The following DCAF4 variants were observed in gnomAD, a reference collection of about 807,000 sequenced individuals.
The protein encoded by DCAF4 is DDB1 and CUL4 associated factor 4.
In DCAF4, 37 loss-of-function variants were observed where a neutral mutation model predicts 60.9. The observed-to-expected ratio is 0.61, with a 90% CI of 0.47 to 0.80. DCAF4 has a LOEUF of 0.80. Ranked by LOEUF, DCAF4 falls within the 30% of genes least tolerant of loss-of-function variation. DCAF4 has a pLI of 0.00. For synonymous variants in DCAF4, 243 were observed against 254.8 expected (o/e 0.95, Z 0.44); for missense variants, 577 against 650.0 (o/e 0.89, Z 1.22).
At chr14:72,958,461 T>C in intron 13 of DCAF4, 151 bp from the exon 14 acceptor site, 2 of 900,356 alleles carry the variant, frequency 2.2e-6, no homozygotes, top group Non-Finnish European at 3.3e-6. Flanking sequence ...CGACTTGGGT[T>C]ATCCGTAGAA....
At position 72,959,131 on chromosome 14, in the gene DCAF4, G is replaced by A. The variant is rs1387547110; in HGVS notation, c.*326G>A. ...CTAAGGACTGAAGATTGGCAAAAAC[G>A]AAAAGCTTCTTCCTCCAAGAGCCCA... On this transcript the variant is annotated 3_prime_UTR_variant, in exon 14 of 14. Coordinates refer to ENST00000358377, the MANE Select transcript of DCAF4 (RefSeq NM_015604.4). 6 of 1,028,640 alleles carry A rather than the reference G, an allele frequency of 5.8e-6. No homozygotes were observed. The highest frequency in any genetic ancestry group is 7.0e-6 in the Non-Finnish European group (6 of 857,862). 63.7% of individuals were successfully genotyped at this position (1,028,640 alleles called of 1,614,324 possible). A position where few individuals can be genotyped will look rare whatever the true frequency, so the allele number is the denominator to read the frequency against.
At position 72,929,764 on chromosome 14, in the gene DCAF4, G is replaced by A. The variant is rs566104421; in HGVS notation, c.-9+3221G>A. 6.7e-6 allele frequency: 7 copies of A among 1,042,690 alleles called. No individual in the cohort carries two copies. The East Asian group carries it at 9.5e-5, about 14-fold the overall frequency. 64.6% of individuals were successfully genotyped at this position (1,042,690 alleles called of 1,614,324 possible). On this transcript the variant is annotated intron_variant, in intron 1 of 13. Transcript: ENST00000358377. Reference sequence around the variant, plus strand: ...AAGACCTTCAGTGACTCCATGGCGCGCAGCTCGTACGAAGCGAAGCCACAC... The same window carrying A: ...AAGACCTTCAGTGACTCCATGGCGCACAGCTCGTACGAAGCGAAGCCACAC...
In DCAF4 at chr14:72,956,347, CT is replaced by C. The variant is rs1297375394; in HGVS notation, c.1180-38del. 44 of 1,527,198 alleles carry C rather than the reference CT, an allele frequency of 2.9e-5. 1 individual carries two copies. The highest frequency in any genetic ancestry group is 2.3e-4 in the African/African-American group (17 of 73,228). The allele number at this position is 1,527,198 out of a possible 1,614,324, so 94.6% of individuals were successfully genotyped here. The stretch of plus-strand genomic sequence containing the variant: ...CACTTGGGGACCACCATGGTACCCC[CT>C]GGCCCCTCCCTGATGGCCCCTGGTG... On this transcript the variant is annotated intron_variant, in intron 12 of 13. Coordinates refer to ENST00000358377, the MANE Select transcript of DCAF4 (RefSeq NM_015604.4).
chr14:72,945,474 TAA>T (rs34392033), intron 6 of DCAF4, among the ~76,000 whole-genome samples: 151 of 143,160 alleles, frequency 1.1e-3, no homozygotes, highest in East Asian at 1.0e-3. Context: ...TTCATGGTGG[TAA>T]AAAAAAAAAA....
chr14:72,951,926 G>C (rs774605075), intron 9 of DCAF4, 49 bp downstream of exon 9: 13 of 1,601,142 alleles, frequency 8.1e-6, no homozygotes, highest in Non-Finnish European at 1.0e-5. Flanking sequence ...TCTCCCGAGA[G>C]CTGTGTGGGG....
chr14:72,938,689 A>G (rs1402352459), intron 2 of DCAF4, among the ~76,000 whole-genome samples: 2 of 152,212 alleles, frequency 1.3e-5, no homozygotes, highest in Non-Finnish European at 2.9e-5. Context: ...GTCAGTACAC[A>G]GTGGTATTTG....
At chr14:72,934,842 T>C (rs1889048566) in intron 1 of DCAF4, among the ~76,000 whole-genome samples, 1 of 152,136 alleles carries the variant, frequency 6.6e-6, no homozygotes, top group South Asian at 2.1e-4. Context: ...GCTTTGTAAA[T>C]GTGTGTGGAG....
chr14:72,927,576 C>T (rs1249012342), intron 1 of DCAF4, among the ~76,000 whole-genome samples: 3 of 151,908 alleles, frequency 2.0e-5, no homozygotes, highest in African/African-American at 4.8e-5. Context: ...TGGTCTCGAT[C>T]TCCTGACCTC....
At chr14:72,928,699 AC>A (rs1302638143) in intron 1 of DCAF4, among the ~76,000 whole-genome samples, 8 of 151,972 alleles carry the variant, frequency 5.3e-5, no homozygotes, top group Admixed American at 3.3e-4. Context: ...AGATTGTGCA[AC>A]CATCACCACT....
At chr14:72,956,303 C>T (rs1335639246) in intron 12 of DCAF4, 83 bp from the exon 13 acceptor site, 2 of 1,066,804 alleles carry the variant, frequency 1.9e-6, no homozygotes, top group African/African-American at 3.2e-5. Flanking sequence ...CTGGAGACCA[C>T]CTTGCCTTCC....
intron 3 of DCAF4, 122 bp downstream of exon 3, chr14:72,940,024 C>A: frequency 8.3e-7 from 1 of 1,202,534 alleles, no homozygotes; most frequent in Non-Finnish European, 1.2e-6. Context: ...CTGGGTGCGT[C>A]AGGAATGGTG....
At chr14:72,942,234 G>A (rs1890130972) in intron 5 of DCAF4, 1 of 166,378 alleles carries the variant, frequency 6.0e-6, no homozygotes, top group South Asian at 1.9e-4. Context: ...TACTTATGAT[G>A]GCTGATACAA....
intron 1 of DCAF4, among the ~76,000 whole-genome samples, chr14:72,927,343 CTTTTTTTTTTT>C (rs547199942): frequency 1.0e-4 from 9 of 87,352 alleles, no homozygotes; most frequent in African/African-American, 2.2e-4. Flanking sequence ...CGGTGGTGTT[CTTTTTTTTTTT>C]TTTTTTTTTT....
intron 9 of DCAF4, among the ~76,000 whole-genome samples, chr14:72,953,732 A>AAAAAAATAT (rs1555527852): frequency 1.8e-4 from 4 of 21,778 alleles, no homozygotes; most frequent in African/African-American, 9.3e-4. Context: ...AAAAAAAAAA[A>AAAAAAATAT]ATATATATAT....
rs193170981 is a variant in DCAF4 at position 72,931,523 on chromosome 14, T to C, written c.-9+4980T>C. 1.2e-4 allele frequency among the ~76,000 whole-genome samples: 19 copies of C among 152,322 alleles called. No homozygotes were observed. The East Asian group carries it at 3.1e-3, about 25-fold the overall frequency. On this transcript the variant is annotated intron_variant, in intron 1 of 13. Transcript: ENST00000358377. ...AGATCATGTTTGGTTGCCTTTTCTT[T>C]GTCTTGCCTAATTGCCTGTCTAAAA...
chr14:72,928,255 G>A (rs1468262717), intron 1 of DCAF4, among the ~76,000 whole-genome samples: 1 of 139,596 alleles, frequency 7.2e-6, no homozygotes, highest in African/African-American at 2.7e-5. Context: ...GCACAGTGGC[G>A]CGATCTCGGC....
At chr14:72,956,762 G>A in intron 13 of DCAF4, 1 of 406,320 alleles carries the variant, frequency 2.5e-6, no homozygotes, top group Admixed American at 3.8e-5. Context: ...CAGGTGGGGA[G>A]GTCCTGGGGA....
chr14:72,943,044 T>A lies in DCAF4; in HGVS notation c.482T>A (p.Ile161Asn), dbSNP rs369081180. The A allele has an allele frequency of 7.4e-6, 12 of 1,614,050 alleles. No homozygotes were observed. The highest frequency in any genetic ancestry group is 1.0e-5 in the Non-Finnish European group (12 of 1,180,020). ...LSCMERKKVQIRSMDPSALAS... is the reference protein window; with the variant it reads ...LSCMERKKVQNRSMDPSALAS... ...TGCATGGAGAGGAAAAAGGTCCAGA[T>A]TCGAAGCATGGATCCCTCCGCCTTG... Residue 161 changes from isoleucine to asparagine, a missense_variant, in exon 6 of 14, where the codon ATT (isoleucine) becomes AAT (asparagine). Ile to Asn is a moderately radical substitution (Grantham distance 149). Coordinates refer to ENST00000358377, the MANE Select transcript of DCAF4 (RefSeq NM_015604.4).
At position 72,955,673 on chromosome 14, in the gene DCAF4, A is replaced by G. The variant is rs1362284325; in HGVS notation, c.1156A>G (p.Met386Val). ...GATCCTCCAAGATGAGCAATACCTG[A>G]TGGCTTCAGACATGGCTGGAAAGGT... The part of the protein sequence containing the change: ...VRILQDEQYL[M>V]ASDMAGKIKL... Residue 386 changes from methionine to valine, a missense_variant, in exon 12 of 14, where the codon ATG (methionine) becomes GTG (valine). Met to Val is a conservative substitution (Grantham distance 21). Transcript: ENST00000358377. 6.2e-7 allele frequency: 1 copy of G among 1,613,946 alleles called. No individual in the cohort carries two copies. The highest frequency in any genetic ancestry group is 8.5e-7 in the Non-Finnish European group (1 of 1,179,906).
Sources: gnomAD v4.1 joint callset for allele counts (sites outside exome capture counted in the v4.1 genomes callset) on GRCh38, gnomAD v4.1.1 for gene constraint, MANE v1.5 for transcripts, NCBI Gene and HGNC (gene_info 2026-07-23, HGNC 2026-07-21) for gene names.